ZFAND3: variants seen among roughly 807,000 people sequenced by gnomAD.
ZFAND3 encodes the protein AN1-type zinc finger protein 3.
A neutral mutation model predicts 29.6 loss-of-function variants in ZFAND3; 10 were observed. The ratio of observed to expected loss-of-function variants is 0.34; its 90% CI spans 0.21 to 0.57. The LOEUF (loss-of-function observed/expected upper bound fraction) is 0.57. Among genes scored for constraint, ZFAND3 ranks in the 20% least tolerant of loss-of-function variants. The pLI, the probability that ZFAND3 is intolerant of heterozygous loss-of-function variation, is 0.86. For synonymous variants in ZFAND3, 128 were observed against 112.6 expected, an observed-to-expected ratio of 1.14 and a Z score of -0.87; for missense variants, 230 against 304.5, an observed-to-expected ratio of 0.76 and a Z score of 1.82.
At chr6:38,014,312 T>TATTATTA (rs1554167168) in intron 2 of ZFAND3, among the ~76,000 whole-genome samples, 3 of 146,642 alleles carry the variant, frequency 2.0e-5, no homozygotes, top group African/African-American at 7.4e-5. Flanking sequence ...GTAATTTTAC[T>TATTATTA]TTATTATTAT....
chr6:37,917,707 A>C (rs1055828278), intron 1 of ZFAND3, among the ~76,000 whole-genome samples: 1 of 152,200 alleles, frequency 6.6e-6, no homozygotes, highest in Non-Finnish European at 1.5e-5. Flanking sequence ...TTCACTTGTC[A>C]GTGAGCATTG....
At chr6:38,054,170 C>G (rs1221126562) in intron 2 of ZFAND3, among the ~76,000 whole-genome samples, 5 of 146,358 alleles carry the variant, frequency 3.4e-5, no homozygotes, top group Non-Finnish European at 7.5e-5. Context: ...CTCTTGAGCC[C>G]AGGAGTTTGA....
At chr6:37,865,675 C>T (rs774789478) in intron 1 of ZFAND3, among the ~76,000 whole-genome samples, 41 of 152,128 alleles carry the variant, frequency 2.7e-4, no homozygotes, top group Non-Finnish European at 5.1e-4. Flanking sequence ...AATAAATTGA[C>T]TTCAGAGTTA....
chr6:38,054,197 A>G (rs991552834), intron 2 of ZFAND3, among the ~76,000 whole-genome samples: 1 of 149,382 alleles, frequency 6.7e-6, no homozygotes, highest in African/African-American at 2.5e-5. Context: ...CTTGGGCAAC[A>G]TAGTGAGACT....
chr6:38,104,492 G>T (rs1458951570), intron 4 of ZFAND3, among the ~76,000 whole-genome samples: 1 of 152,112 alleles, frequency 6.6e-6, no homozygotes, highest in East Asian at 1.9e-4. Context: ...AACTTTTGTG[G>T]ATGAAGTCTT....
intron 3 of ZFAND3, among the ~76,000 whole-genome samples, chr6:38,064,335 A>G (rs549916670): frequency 5.9e-5 from 9 of 152,344 alleles, no homozygotes; most frequent in East Asian, 1.9e-4. Flanking sequence ...TTCTACATGC[A>G]TATTTTCTCA....
chr6:38,009,012 A>T (rs1480562118), intron 2 of ZFAND3, among the ~76,000 whole-genome samples: 2 of 152,210 alleles, frequency 1.3e-5, no homozygotes, highest in East Asian at 3.8e-4. Flanking sequence ...ACCAGCTATT[A>T]GCTCCTATAC....
At chr6:38,088,698 C>CT (rs1399567702) in intron 4 of ZFAND3, among the ~76,000 whole-genome samples, 1 of 152,184 alleles carries the variant, frequency 6.6e-6, no homozygotes, top group Non-Finnish European at 1.5e-5. Flanking sequence ...CACTTTTACT[C>CT]TTCTTCCAGC....
rs375750739 is a variant in ZFAND3, at chr6:38,069,024, C to T, written c.295+7249C>T. On this transcript the variant is annotated intron_variant, in intron 3 of 5. Coordinates refer to ENST00000287218, the MANE Select transcript of ZFAND3 (RefSeq NM_021943.3). Reference sequence around the variant, plus strand: ...CCCGGGTCTTTGAACATCCATTGGGCGTCATTGGCTACATATCTTCATTTC... The same window carrying T: ...CCCGGGTCTTTGAACATCCATTGGGTGTCATTGGCTACATATCTTCATTTC... 6.6e-5 allele frequency among the ~76,000 whole-genome samples: 10 copies of T among 152,174 alleles called. No homozygotes were observed. In the East Asian group the frequency reaches 1.3e-3, roughly 20 times the overall value.
chr6:38,054,036 A>G (rs1424546583), intron 2 of ZFAND3, among the ~76,000 whole-genome samples: 3 of 151,802 alleles, frequency 2.0e-5, no homozygotes, highest in African/African-American at 4.8e-5. Context: ...TAGGATATAT[A>G]CAGGTAGAGG....
intron 4 of ZFAND3, among the ~76,000 whole-genome samples, chr6:38,109,430 C>T (rs536588779): frequency 6.6e-6 from 1 of 152,192 alleles, no homozygotes; most frequent in Non-Finnish European, 1.5e-5. Context: ...GATCTGCCCG[C>T]CTCAGCGTCC....
chr6:37,987,433 CT>C (rs1195414220), intron 2 of ZFAND3, among the ~76,000 whole-genome samples: 1 of 152,106 alleles, frequency 6.6e-6, no homozygotes. Context: ...TTTATAGAAA[CT>C]TTAGACCCTG....
intron 2 of ZFAND3, among the ~76,000 whole-genome samples, chr6:38,009,720 C>G (rs1412629258): frequency 2.0e-5 from 3 of 152,204 alleles, no homozygotes. Flanking sequence ...AATAGAAATA[C>G]AGAAACCTCT....
At chr6:38,075,017 ATAT>A (rs1312459930) in intron 3 of ZFAND3, among the ~76,000 whole-genome samples, 1 of 152,166 alleles carries the variant, frequency 6.6e-6, no homozygotes, top group African/African-American at 2.4e-5. Flanking sequence ...TCCTTTCAAA[ATAT>A]TATTGTTCAT....
chr6:37,998,726 A>G (rs1029462496), intron 2 of ZFAND3, among the ~76,000 whole-genome samples: 1 of 152,180 alleles, frequency 6.6e-6, no homozygotes, highest in Non-Finnish European at 1.5e-5. Flanking sequence ...AAATAAATAA[A>G]TGGATGGTGG....
At chr6:38,055,382 G>A (rs1362855679) in intron 2 of ZFAND3, among the ~76,000 whole-genome samples, 1 of 152,182 alleles carries the variant, frequency 6.6e-6, no homozygotes, top group Non-Finnish European at 1.5e-5. Context: ...TTGGGAAGCT[G>A]GGAAGTGGTT....
chr6:37,847,056 A>C (rs1267405686), intron 1 of ZFAND3, among the ~76,000 whole-genome samples: 1 of 152,148 alleles, frequency 6.6e-6, no homozygotes, highest in African/African-American at 2.4e-5. Flanking sequence ...TTGAAGTTAC[A>C]AAATAGATTG....
intron 2 of ZFAND3, among the ~76,000 whole-genome samples, chr6:37,965,561 G>A (rs1378946345): frequency 1.0e-5 from 1 of 98,034 alleles, no homozygotes; most frequent in Non-Finnish European, 2.1e-5. Flanking sequence ...CCAGGTGAGG[G>A]TTGTCATTCT....
intron 2 of ZFAND3, 69 bp downstream of exon 2, chr6:37,930,068 TAA>T: frequency 7.0e-7 from 1 of 1,425,328 alleles, no homozygotes; most frequent in Non-Finnish European, 9.4e-7. Flanking sequence ...TGGTTCTTTT[TAA>T]GACTAAATCA....
Sources: gnomAD v4.1 joint callset for allele counts (sites outside exome capture counted in the v4.1 genomes callset) on GRCh38, gnomAD v4.1.1 for gene constraint, MANE v1.5 for transcripts, NCBI Gene and HGNC (gene_info 2026-07-23, HGNC 2026-07-21) for gene names.